Variants in STARD13 observed in about 807,000 individuals in gnomAD.
The protein encoded by STARD13 is stAR-related lipid transfer protein 13.
STARD13 carries 62 observed loss-of-function variants against 106.4 expected under a neutral mutation model. The observed-to-expected ratio is 0.58, with a 90% CI of 0.48 to 0.72. The LOEUF (loss-of-function observed/expected upper bound fraction) is 0.72, where lower values mean the gene tolerates loss of function less well. STARD13 is among the 30% of genes least tolerant of loss of function. The pLI, the probability that STARD13 is intolerant of heterozygous loss-of-function variation, is 0.00. For missense variants in STARD13, 1,387 were observed against 1,424.0 expected (o/e 0.97, Z 0.42); for synonymous variants, 565 against 553.0 (o/e 1.02, Z -0.31).
At chr13:33,263,316 T>A (rs940776837) in intron 1 of STARD13, among the ~76,000 whole-genome samples, 1 of 152,114 alleles carries the variant, frequency 6.6e-6, no homozygotes, top group African/African-American at 2.4e-5. Context: ...GGCAAAATTG[T>A]ACCTGCTTGC....
chr13:33,159,976 T>G (rs563460809), intron 3 of STARD13, among the ~76,000 whole-genome samples: 1 of 152,266 alleles, frequency 6.6e-6, no homozygotes, highest in South Asian at 2.1e-4. Context: ...TAAATATCAA[T>G]AAACTGTTTG....
chr13:33,596,403 CAT>C, the STARD13 span, among the ~76,000 whole-genome samples: 1 of 152,142 alleles, frequency 6.6e-6, no homozygotes, highest in African/African-American at 2.4e-5. Context: ...AATACACACA[CAT>C]GCATGTTATA....
intron 1 of STARD13, among the ~76,000 whole-genome samples, chr13:33,333,461 C>T (rs779208338): frequency 1.9e-4 from 29 of 152,308 alleles, no homozygotes; most frequent in East Asian, 1.9e-4. Context: ...GCAATAACAA[C>T]AGCAGTATTA....
intron 1 of STARD13, among the ~76,000 whole-genome samples, chr13:33,206,225 C>T (rs756389743): frequency 5.3e-5 from 8 of 152,138 alleles, no homozygotes; most frequent in African/African-American, 7.2e-5. Flanking sequence ...GCACCCCCAC[C>T]GCTAGTGTCA....
the STARD13 span, among the ~76,000 whole-genome samples, chr13:33,633,786 G>C: frequency 2.0e-5 from 3 of 152,266 alleles, no homozygotes; most frequent in South Asian, 6.2e-4. Context: ...AGAAGGTGAC[G>C]TGACTCTGCA....
chr13:33,613,420 G>A, the STARD13 span, among the ~76,000 whole-genome samples: 3 of 152,210 alleles, frequency 2.0e-5, no homozygotes, highest in African/African-American at 7.2e-5. Context: ...AAAGTTGTGG[G>A]CACAGAATTA....
At chr13:33,424,566 C>T in the STARD13 span, among the ~76,000 whole-genome samples, 1 of 152,270 alleles carries the variant, frequency 6.6e-6, no homozygotes, top group East Asian at 1.9e-4. Context: ...TCTCCTGTGT[C>T]TGGCCTAAGC....
chr13:33,148,437 C>T (rs1269216358), intron 3 of STARD13, among the ~76,000 whole-genome samples: 2 of 152,174 alleles, frequency 1.3e-5, no homozygotes, highest in Admixed American at 6.5e-5. Flanking sequence ...AGACAACTCA[C>T]TAAAGGAGAT....
At chr13:33,631,502 C>T in the STARD13 span, among the ~76,000 whole-genome samples, 12 of 152,274 alleles carry the variant, frequency 7.9e-5, no homozygotes, top group African/African-American at 1.9e-4. Flanking sequence ...TTGGTGATTA[C>T]GGAAGTGCTG....
At chr13:33,230,508 T>C (rs1454417307) in intron 1 of STARD13, among the ~76,000 whole-genome samples, 3 of 152,388 alleles carry the variant, frequency 2.0e-5, no homozygotes, top group Non-Finnish European at 2.9e-5. Flanking sequence ...TCATGAATGC[T>C]GGGATACTGC....
At chr13:33,546,437 C>T in the STARD13 span, among the ~76,000 whole-genome samples, 1 of 152,070 alleles carries the variant, frequency 6.6e-6, no homozygotes, top group Non-Finnish European at 1.5e-5. Flanking sequence ...AACTATTGGG[C>T]CAGTTTTTCT....
exon 1 of STARD13, chr13:33,350,399 C>T (rs2078064295): frequency 6.5e-7 from 1 of 1,533,410 alleles, no homozygotes; most frequent in Admixed American, 2.0e-5. Flanking sequence ...GGCAAGGTTT[C>T]CGTTTGCTGG....
the STARD13 span, among the ~76,000 whole-genome samples, chr13:33,482,323 A>G: frequency 2.0e-5 from 3 of 152,178 alleles, no homozygotes; most frequent in Middle Eastern, 3.2e-3. Flanking sequence ...TTTCACAATA[A>G]AAAGATGAAA....
the STARD13 span, among the ~76,000 whole-genome samples, chr13:33,659,223 T>TC: frequency 0.017 from 732 of 43,388 alleles, 8 homozygotes; most frequent in South Asian, 0.1. Context: ...GTTTTTTCTT[T>TC]TTTTTTTTTT....
chr13:33,135,726 G>T (rs150446558), intron 4 of STARD13, among the ~76,000 whole-genome samples: 1 of 152,128 alleles, frequency 6.6e-6, no homozygotes, highest in South Asian at 2.1e-4. Context: ...TACGATGACT[G>T]GTACTCAAAC....
chr13:33,262,638 ACCCCCCCC>A (rs750644449), intron 1 of STARD13, among the ~76,000 whole-genome samples: 6 of 56,376 alleles, frequency 1.1e-4, no homozygotes, highest in African/African-American at 1.7e-4. Context: ...CACACCCAGA[ACCCCCCCC>A]CCCACACACA....
chr13:33,431,858 C>T, the STARD13 span, among the ~76,000 whole-genome samples: 1 of 152,112 alleles, frequency 6.6e-6, no homozygotes, highest in African/African-American at 2.4e-5. Context: ...TACCTTCCTC[C>T]ATGGGGTTTA....
intron 1 of STARD13, chr13:33,279,724 TTA>T (rs1891667477): frequency 1.3e-5 from 2 of 152,250 alleles, no homozygotes; most frequent in African/African-American, 4.8e-5. Flanking sequence ...CTCTCAAGTT[TTA>T]TATGTTTACA....
chr13:33,629,476 G>C, the STARD13 span, among the ~76,000 whole-genome samples: 8 of 152,170 alleles, frequency 5.3e-5, no homozygotes, highest in African/African-American at 1.4e-4. Flanking sequence ...TCTAGATAGA[G>C]CCAAATTTGT....
Sources: allele counts gnomAD v4.1 joint callset (sites outside exome capture counted in the v4.1 genomes callset), GRCh38; gene constraint gnomAD v4.1.1; transcripts MANE v1.5; gene names NCBI Gene and HGNC (gene_info 2026-07-23, HGNC 2026-07-21).